The following CCDC30 variants were observed in gnomAD, a reference collection of about 807,000 sequenced individuals.
CCDC30 encodes coiled-coil domain-containing protein 30.
CCDC30 carries 70 observed loss-of-function variants against 100.2 expected under a neutral mutation model. The observed-to-expected ratio is 0.70, with a 90% CI of 0.58 to 0.85. The LOEUF (loss-of-function observed/expected upper bound fraction) is 0.85, where lower values mean the gene tolerates loss of function less well. Among genes scored for constraint, CCDC30 ranks in the 40% least tolerant of loss-of-function variants. CCDC30 has a pLI of 0.00. For synonymous variants in CCDC30, 233 were observed against 269.5 expected (o/e 0.86, Z 1.33); for missense variants, 652 against 771.2 (o/e 0.85, Z 1.83).
chr1:42,484,490 C>A (rs1166894679), intron 3 of CCDC30, among the ~76,000 whole-genome samples: 1 of 152,236 alleles, frequency 6.6e-6, no homozygotes, highest in African/African-American at 2.4e-5. Context: ...CCTGTTCTAT[C>A]AGCAGTTGCT....
chr1:42,459,805 A>G, upstream of CCDC30: 1 of 1,614,236 alleles, frequency 6.2e-7, no homozygotes, highest in Admixed American at 1.7e-5. Flanking sequence ...ATTGTAACCA[A>G]AGACTCGGAA....
chr1:42,547,313 A>C (rs1463639502), intron 6 of CCDC30, among the ~76,000 whole-genome samples: 1 of 152,202 alleles, frequency 6.6e-6, no homozygotes, highest in East Asian at 1.9e-4. Flanking sequence ...GTATCTCTTT[A>C]TTAGATAAAA....
chr1:42,491,519 A>AT (rs397827426), intron 4 of CCDC30, among the ~76,000 whole-genome samples: 2 of 151,828 alleles, frequency 1.3e-5, no homozygotes, highest in African/African-American at 4.8e-5. Flanking sequence ...AAAAAAAAAA[A>AT]GAAAGAATAA....
At chr1:42,564,664 A>G (rs1418202822) in intron 6 of CCDC30, among the ~76,000 whole-genome samples, 4 of 152,238 alleles carry the variant, frequency 2.6e-5, no homozygotes, top group African/African-American at 4.8e-5. Flanking sequence ...GCTAAGTTAC[A>G]TATGTATCAT....
chr1:42,516,911 C>T (rs1473040494), intron 6 of CCDC30, among the ~76,000 whole-genome samples: 1 of 152,050 alleles, frequency 6.6e-6, no homozygotes, highest in Non-Finnish European at 1.5e-5. Context: ...ATTTGTTTAT[C>T]TTCTTTGGAG....
intron 6 of CCDC30, among the ~76,000 whole-genome samples, chr1:42,565,524 AAG>A (rs1437700637): frequency 6.6e-6 from 1 of 152,240 alleles, no homozygotes; most frequent in African/African-American, 2.4e-5. Flanking sequence ...TTTTATCAAA[AAG>A]ACAAAAGGTA....
upstream of CCDC30, chr1:42,459,216 G>A (rs552660150): frequency 1.4e-5 from 2 of 147,600 alleles, no homozygotes; most frequent in East Asian, 4.0e-4. Flanking sequence ...AGGCTGAAGT[G>A]CAGTGGCATG....
chr1:42,623,023 A>G lies in CCDC30; in HGVS notation c.1277+11933A>G, dbSNP rs111822895. Among the ~76,000 whole-genome samples, 989 of 152,294 alleles carry G rather than the reference A, an allele frequency of 6.5e-3. 12 individuals are homozygous for G. Among genetic ancestry groups the G allele is most frequent in the African/African-American group, 0.023 (949 of 41,564 alleles). ...TTTCATATGCCTGTTTGCCATTTGT[A>G]TGTTTTCTTTTCAGAAATGTCTATT... On this transcript the variant is annotated intron_variant, in intron 11 of 16. Coordinates refer to ENST00000668663, the Ensembl canonical transcript of CCDC30.
In CCDC30 at chr1:42,644,812, G is replaced by A; in HGVS notation, c.1671+5G>A. ...ATCCATATTCGCAGAGGAGAGGTAA[G>A]ATGTGTGCTTCCTATTGGGCCTGCC... On this transcript the variant is annotated splice_donor_5th_base_variant and intron_variant, in intron 14 of 16. Transcript: ENST00000668663. 6.4e-7 allele frequency: 1 copy of A among 1,567,964 alleles called. No homozygotes were observed. Among genetic ancestry groups the A allele is most frequent in the Non-Finnish European group, 8.8e-7 (1 of 1,137,812 alleles).
chr1:42,460,084 A>G (rs1569627059), upstream of CCDC30: 1 of 1,392,924 alleles, frequency 7.2e-7, no homozygotes, highest in East Asian at 2.6e-5. Flanking sequence ...TCTTTTAATG[A>G]CACCTGATAT....
intron 11 of CCDC30, among the ~76,000 whole-genome samples, chr1:42,612,331 A>G (rs1646641818): frequency 6.6e-6 from 1 of 152,218 alleles, no homozygotes; most frequent in South Asian, 2.1e-4. Flanking sequence ...TCATATAGAA[A>G]CAGCATTAGA....
intron 7 of CCDC30, among the ~76,000 whole-genome samples, chr1:42,567,793 CTACACAGAT>C (rs1456861677): frequency 6.6e-6 from 1 of 152,138 alleles, no homozygotes; most frequent in Non-Finnish European, 1.5e-5. Flanking sequence ...ATGGCCAGAA[CTACACAGAT>C]TATAATGCCT....
At chr1:42,458,890 A>G (rs549905340), upstream of CCDC30, among the ~76,000 whole-genome samples, 29 of 152,384 alleles carry the variant, frequency 1.9e-4, no homozygotes, top group Admixed American at 1.6e-3. Context: ...TCTAATAGCC[A>G]TTCTACCAAT....
Position 42,542,548 on chromosome 1 carries a change from T to C in CCDC30, c.457-23748T>C, listed in dbSNP as rs1042466404. ...CTAATTTTAAATTTTTCTTTTTTTTTTTTTTTTTTTTTTGAGACGGAGTCT... is the reference window on the plus strand; with the variant it reads ...CTAATTTTAAATTTTTCTTTTTTTTCTTTTTTTTTTTTTGAGACGGAGTCT... On this transcript the variant is annotated intron_variant, in intron 6 of 16. Coordinates refer to ENST00000668663, the Ensembl canonical transcript of CCDC30. Among the ~76,000 whole-genome samples, 3 of 97,916 alleles carry C rather than the reference T, an allele frequency of 3.1e-5. 1 individual carries two copies. Among genetic ancestry groups the C allele is most frequent in the Non-Finnish European group, 6.9e-5 (3 of 43,410 alleles). The allele number at this position is 97,916 out of a possible 152,430, so 64.2% of individuals were successfully genotyped here.
At chr1:42,514,032 C>G (rs1210863995) in intron 6 of CCDC30, among the ~76,000 whole-genome samples, 2 of 152,140 alleles carry the variant, frequency 1.3e-5, no homozygotes, top group African/African-American at 4.8e-5. Flanking sequence ...GATCAAAATG[C>G]CTCCCACTAA....
upstream of CCDC30, chr1:42,459,543 G>A (rs376019027): frequency 5.1e-6 from 7 of 1,369,108 alleles, no homozygotes; most frequent in Non-Finnish European, 1.0e-6. Flanking sequence ...TTTCCCATGA[G>A]ATTGACCTGG....
Position 42,611,466 on chromosome 1 carries a change from C to A in CCDC30, c.1277+376C>A, listed in dbSNP as rs368363147. On this transcript the variant is annotated intron_variant, in intron 11 of 16. Transcript: ENST00000668663. ...TATTTTTTATTTTAGAGAACTGACA[C>A]AAAATATTACTAATATGTATATTAT... is the stretch of plus-strand genomic sequence containing the variant. 5.4e-4 allele frequency among the ~76,000 whole-genome samples: 82 copies of A among 151,788 alleles called. No homozygotes were observed. In the East Asian group the frequency reaches 0.014, roughly 26 times the overall value.
intron 6 of CCDC30, among the ~76,000 whole-genome samples, chr1:42,525,954 CAT>C (rs1223185601): frequency 1.3e-5 from 2 of 152,160 alleles, no homozygotes; most frequent in African/African-American, 4.8e-5. Flanking sequence ...TTGCCCTACT[CAT>C]GTGTGGCTCA....
intron 1 of CCDC30, among the ~76,000 whole-genome samples, chr1:42,464,513 A>G (rs1401127263): frequency 6.6e-6 from 1 of 152,258 alleles, no homozygotes; most frequent in Non-Finnish European, 1.5e-5. Context: ...TTTCTGAATC[A>G]GAAAACATTC....
Sources: allele counts gnomAD v4.1 joint callset (sites outside exome capture counted in the v4.1 genomes callset), GRCh38; gene constraint gnomAD v4.1.1; transcripts MANE v1.5; gene names NCBI Gene and HGNC (gene_info 2026-07-23, HGNC 2026-07-21).